The following NRXN3 variants were observed in gnomAD, a reference collection of about 807,000 sequenced individuals.
The protein encoded by NRXN3 is neurexin III.
In NRXN3, 32 loss-of-function variants were observed where a neutral mutation model predicts 137.6. The observed-to-expected ratio is 0.23, with a 90% CI of 0.18 to 0.31. The LOEUF is 0.31. Among genes scored for constraint, NRXN3 ranks in the 10% least tolerant of loss-of-function variants. The pLI, the probability that NRXN3 is intolerant of heterozygous loss-of-function variation, is 1.00. For synonymous variants in NRXN3, 798 were observed against 784.5 expected, an observed-to-expected ratio of 1.02 and a Z score of -0.29; for missense variants, 1,574 against 2,062.5, an observed-to-expected ratio of 0.76 and a Z score of 4.59.
In NRXN3 at chr14:79,123,020, G is replaced by T. The variant is rs140417448; in HGVS notation, c.3262+134879G>T. On this transcript the variant is annotated intron_variant, in intron 15 of 20. Coordinates refer to ENST00000335750, the MANE Select transcript of NRXN3 (RefSeq NM_001330195.2). ...CTTTAGTGATTAACTTCAGAATTAA[G>T]AGAGTAAAAAGTATTTTTCAATTCA... 1.2e-4 allele frequency among the ~76,000 whole-genome samples: 19 copies of T among 152,238 alleles called. No homozygotes were observed. In the East Asian group the frequency reaches 3.7e-3, roughly 29 times the overall value.
rs117518013 is a variant in NRXN3 at position 79,828,754 on chromosome 14, A to G, written c.4093+23564A>G. On this transcript the variant is annotated intron_variant, in intron 20 of 20. Coordinates refer to ENST00000335750, the MANE Select transcript of NRXN3 (RefSeq NM_001330195.2). Reference sequence around the variant, plus strand: ...CATTTCCAGGCTCTCATAGTCTTAGAGATGACACTTGGTAGTTCAGTGTCT... The same window carrying G: ...CATTTCCAGGCTCTCATAGTCTTAGGGATGACACTTGGTAGTTCAGTGTCT... Among the ~76,000 whole-genome samples, 334 of 151,502 alleles carry G rather than the reference A, an allele frequency of 2.2e-3. 12 individuals are homozygous for G. In the East Asian group the frequency reaches 0.045, roughly 20 times the overall value.
chr14:78,951,780 A>C (rs1053749499), intron 10 of NRXN3, among the ~76,000 whole-genome samples: 2 of 152,162 alleles, frequency 1.3e-5, no homozygotes. Context: ...CTGATGCTCA[A>C]TTAGCATTTG....
chr14:79,791,437 TTTTTA>T (rs2099144749), intron 19 of NRXN3, among the ~76,000 whole-genome samples: 1 of 147,056 alleles, frequency 6.8e-6, no homozygotes, highest in Non-Finnish European at 1.5e-5. Flanking sequence ...AGGAGCCAAA[TTTTTA>T]TTTTATAATA....
At chr14:79,168,242 C>A (rs2061459244) in intron 15 of NRXN3, among the ~76,000 whole-genome samples, 1 of 152,006 alleles carries the variant, frequency 6.6e-6, no homozygotes, top group Non-Finnish European at 1.5e-5. Flanking sequence ...GGAATTAGCA[C>A]AAAGGCTCTT....
chr14:79,271,726 T>C (rs1024570348), intron 15 of NRXN3, among the ~76,000 whole-genome samples: 2 of 152,112 alleles, frequency 1.3e-5, no homozygotes, highest in Non-Finnish European at 2.9e-5. Context: ...CTGGGCTTGT[T>C]TGCCTCCTTT....
intron 20 of NRXN3, among the ~76,000 whole-genome samples, chr14:79,817,585 A>C (rs558542348): frequency 6.6e-6 from 1 of 152,312 alleles, no homozygotes; most frequent in South Asian, 2.1e-4. Context: ...CATTTTAAAG[A>C]TAAGTAAATG....
intron 15 of NRXN3, among the ~76,000 whole-genome samples, chr14:79,391,783 G>T (rs1300851828): frequency 6.6e-6 from 1 of 152,132 alleles, no homozygotes. Context: ...AAATTGCATT[G>T]ATTTCTACAA....
intron 20 of NRXN3, among the ~76,000 whole-genome samples, chr14:79,844,455 G>C (rs79814005): frequency 6.6e-6 from 1 of 151,804 alleles, no homozygotes; most frequent in African/African-American, 2.4e-5. Context: ...TCTTAAGTAA[G>C]ATGTTAAAGT....
chr14:79,159,131 C>A (rs1479944291), intron 15 of NRXN3, among the ~76,000 whole-genome samples: 2 of 151,820 alleles, frequency 1.3e-5, no homozygotes, highest in Admixed American at 1.3e-4. Context: ...AGTCAATGAG[C>A]AAAATGTCTT....
chr14:78,710,524 C>A (rs1489658414), intron 7 of NRXN3, among the ~76,000 whole-genome samples: 1 of 152,186 alleles, frequency 6.6e-6, no homozygotes, highest in African/African-American at 2.4e-5. Context: ...CCATTTCAGA[C>A]TCATTTCCTG....
intron 4 of NRXN3, among the ~76,000 whole-genome samples, chr14:78,343,377 A>G (rs1486513540): frequency 4.6e-5 from 7 of 152,220 alleles, no homozygotes; most frequent in Non-Finnish European, 8.8e-5. Flanking sequence ...GACATTATCC[A>G]TCTGTGGGCA....
chr14:79,478,246 G>A (rs924721222), intron 16 of NRXN3, among the ~76,000 whole-genome samples: 5 of 150,020 alleles, frequency 3.3e-5, no homozygotes, highest in African/African-American at 7.3e-5. Flanking sequence ...CAAGATAAAG[G>A]AGGAAAGGAA....
intron 4 of NRXN3, among the ~76,000 whole-genome samples, chr14:78,454,951 G>T (rs1205249365): frequency 6.6e-6 from 1 of 152,196 alleles, no homozygotes; most frequent in Non-Finnish European, 1.5e-5. Context: ...AGGCTTGTTT[G>T]TGTTGTCCAG....
At chr14:78,585,066 A>G (rs2097047715) in intron 4 of NRXN3, among the ~76,000 whole-genome samples, 1 of 151,990 alleles carries the variant, frequency 6.6e-6, no homozygotes, top group Non-Finnish European at 1.5e-5. Flanking sequence ...GACAAAAAGG[A>G]AATATACAAA....
chr14:79,174,816 T>C (rs934734755), intron 15 of NRXN3, among the ~76,000 whole-genome samples: 4 of 151,622 alleles, frequency 2.6e-5, no homozygotes, highest in African/African-American at 4.8e-5. Context: ...AGTGAGGAAA[T>C]GAGATAGTAA....
At chr14:78,306,354 A>G (rs567810628) in intron 4 of NRXN3, among the ~76,000 whole-genome samples, 4 of 152,110 alleles carry the variant, frequency 2.6e-5, no homozygotes, top group Non-Finnish European at 5.9e-5. Flanking sequence ...TATCCAGTTG[A>G]GTTAGTTAAT....
intron 2 of NRXN3, among the ~76,000 whole-genome samples, chr14:78,274,000 A>T (rs944055198): frequency 1.3e-5 from 2 of 152,202 alleles, no homozygotes; most frequent in African/African-American, 2.4e-5. Context: ...AGCCTGTCCC[A>T]TGCTCCCCAG....
intron 4 of NRXN3, among the ~76,000 whole-genome samples, chr14:78,417,370 CCTT>C (rs1485186894): frequency 6.6e-6 from 1 of 152,236 alleles, no homozygotes; most frequent in Non-Finnish European, 1.5e-5. Flanking sequence ...CTGGCCAACT[CCTT>C]CTGGTGCTGG....
intron 15 of NRXN3, among the ~76,000 whole-genome samples, chr14:79,275,087 G>A (rs1265351536): frequency 6.6e-6 from 1 of 152,186 alleles, no homozygotes; most frequent in East Asian, 1.9e-4. Context: ...GATGAATTAT[G>A]TGGCTATAAA....
Sources: allele counts gnomAD v4.1 joint callset (sites outside exome capture counted in the v4.1 genomes callset), GRCh38; gene constraint gnomAD v4.1.1; transcripts MANE v1.5; gene names NCBI Gene and HGNC (gene_info 2026-07-23, HGNC 2026-07-21).